RPH3A: variants seen among roughly 807,000 people sequenced by gnomAD.
RPH3A encodes rabphilin 3A.
In RPH3A, 48 loss-of-function variants were observed where a neutral mutation model predicts 102.2. The ratio of observed to expected loss-of-function variants is 0.47; its 90% CI spans 0.37 to 0.60. RPH3A has a LOEUF of 0.60. RPH3A is among the 20% of genes least tolerant of loss of function. The pLI, the probability that RPH3A is intolerant of heterozygous loss-of-function variation, is 0.00. For missense variants in RPH3A, 781 were observed against 910.1 expected, an observed-to-expected ratio of 0.86 and a Z score of 1.83; for synonymous variants, 310 against 324.3, an observed-to-expected ratio of 0.96 and a Z score of 0.47.
At chr12:112,782,638 T>C (rs1592996338) in intron 1 of RPH3A, among the ~76,000 whole-genome samples, 1 of 152,328 alleles carries the variant, frequency 6.6e-6, no homozygotes, top group Non-Finnish European at 1.5e-5. Flanking sequence ...CTTTTCAGTA[T>C]TTCTCTCTTC....
At chr12:112,883,891 A>G (rs1346080669) in intron 16 of RPH3A, among the ~76,000 whole-genome samples, 1 of 151,984 alleles carries the variant, frequency 6.6e-6, no homozygotes, top group African/African-American at 2.4e-5. Context: ...ATCCAGTTTT[A>G]TTTATCCAGT....
At chr12:112,725,766 TTTGTTG>T (rs374402903) in intron 1 of RPH3A, among the ~76,000 whole-genome samples, 37,908 of 148,386 alleles carry the variant, frequency 0.26, 5,466 homozygotes, top group Admixed American at 0.33. Flanking sequence ...GAGTGTAGTT[TTTGTTG>T]TTGTTGTTGT....
intron 1 of RPH3A, among the ~76,000 whole-genome samples, chr12:112,663,525 A>T (rs1319207832): frequency 6.6e-6 from 1 of 151,854 alleles, no homozygotes; most frequent in East Asian, 2.0e-4. Flanking sequence ...TTTACTTATT[A>T]TTATTATTTT....
chr12:112,864,448 C>CAAAAAAAA (rs11324677), intron 5 of RPH3A, among the ~76,000 whole-genome samples: 1 of 101,994 alleles, frequency 9.8e-6, no homozygotes, highest in Non-Finnish European at 1.9e-5. Flanking sequence ...AAGACTCTGT[C>CAAAAAAAA]AAAAAAAAAA....
At chr12:112,712,454 A>C (rs1432045211) in intron 1 of RPH3A, among the ~76,000 whole-genome samples, 1 of 152,102 alleles carries the variant, frequency 6.6e-6, no homozygotes, top group Non-Finnish European at 1.5e-5. Flanking sequence ...TCTATTTTTA[A>C]ATTGTTATTT....
At chr12:112,878,001 C>T (rs1467796402) in intron 13 of RPH3A, among the ~76,000 whole-genome samples, 3 of 152,176 alleles carry the variant, frequency 2.0e-5, no homozygotes, top group Non-Finnish European at 4.4e-5. Flanking sequence ...GGGACTTGTC[C>T]AAGCTCATCC....
rs180764698 is a variant in RPH3A at position 112,784,961 on chromosome 12, G to A, written c.-139-7182G>A. Reference sequence around the variant, plus strand: ...GCTGTGGCTGGGTGTGGTGGCTCACGCCTATAATCCCAGCACTTTGGGAGG... The same window carrying A: ...GCTGTGGCTGGGTGTGGTGGCTCACACCTATAATCCCAGCACTTTGGGAGG... On this transcript the variant is annotated intron_variant, in intron 1 of 21. Transcript: ENST00000543106. 3.6e-3 allele frequency among the ~76,000 whole-genome samples: 545 copies of A among 152,306 alleles called. 3 individuals are homozygous for A. The highest frequency in any genetic ancestry group is 0.012 in the African/African-American group (503 of 41,556).
chr12:112,769,966 T>C (rs1186201974), intron 1 of RPH3A, among the ~76,000 whole-genome samples: 1 of 152,248 alleles, frequency 6.6e-6, no homozygotes, highest in Non-Finnish European at 1.5e-5. Context: ...TAACTTACAG[T>C]ATTGTTTTGT....
chr12:112,895,638 A>G (rs2136275670), intron 20 of RPH3A, 139 bp from the exon 21 acceptor site: 1 of 605,768 alleles, frequency 1.7e-6, no homozygotes, highest in East Asian at 2.8e-5. Flanking sequence ...GAGGATCGGC[A>G]CGGGAAGACC....
At chr12:112,589,992 A>G (rs1461268546) in intron 1 of RPH3A, among the ~76,000 whole-genome samples, 2 of 151,678 alleles carry the variant, frequency 1.3e-5, no homozygotes, top group Non-Finnish European at 1.5e-5. Context: ...CTGAGGCAGG[A>G]GGATCGCTTG....
chr12:112,767,176 C>T (rs375904292), intron 1 of RPH3A, among the ~76,000 whole-genome samples: 2 of 152,258 alleles, frequency 1.3e-5, no homozygotes, highest in East Asian at 3.9e-4. Flanking sequence ...CCCAGTGGCC[C>T]AGAGAACTTT....
intron 1 of RPH3A, among the ~76,000 whole-genome samples, chr12:112,754,611 G>C (rs528355581): frequency 6.6e-6 from 1 of 152,180 alleles, no homozygotes; most frequent in Non-Finnish European, 1.5e-5. Flanking sequence ...TTTCCTGGCT[G>C]CCAAAGTGAA....
chr12:112,680,195 T>C (rs1036216643), intron 1 of RPH3A, among the ~76,000 whole-genome samples: 1 of 152,208 alleles, frequency 6.6e-6, no homozygotes, highest in Admixed American at 6.5e-5. Context: ...ACCTCAAGGC[T>C]GCAGGAAGAA....
rs1430223677 is a variant in RPH3A, at chr12:112,678,279, AAGAAAGAAAGAAAGAAAGAAAGAAAG to A, written c.-140+102964_-140+102989del. 4.5e-4 allele frequency among the ~76,000 whole-genome samples: 29 copies of A among 64,800 alleles called. 3 individuals are homozygous for A. The highest frequency in any genetic ancestry group is 2.7e-3 in the African/African-American group (26 of 9,466). The allele number at this position is 64,800 out of a possible 152,430, so 42.5% of individuals were successfully genotyped here. ...AAAGAAAGAAAGAAAGAAAGAAAGAAAGAAAGAAAGAAAGAAAGAAAGAAAGAGAGAGAGAGAGAAAGAAAGAAAGA... is the reference window on the plus strand; with the variant it reads ...AAAGAAAGAAAGAAAGAAAGAAAGAAAGAGAGAGAGAGAAAGAAAGAAAGA... On this transcript the variant is annotated intron_variant, in intron 1 of 21. Coordinates refer to the RPH3A transcript ENST00000543106.
intron 1 of RPH3A, among the ~76,000 whole-genome samples, chr12:112,782,250 T>G (rs1486936479): frequency 1.3e-5 from 2 of 152,284 alleles, no homozygotes; most frequent in Non-Finnish European, 2.9e-5. Flanking sequence ...AGGCTCAGTC[T>G]TCTCATCTGA....
chr12:112,724,335 A>G (rs2040572419), intron 1 of RPH3A, among the ~76,000 whole-genome samples: 1 of 152,164 alleles, frequency 6.6e-6, no homozygotes, highest in African/African-American at 2.4e-5. Context: ...AAAGTGCTGG[A>G]CTTACAGGCA....
chr12:112,819,427 C>T (rs745572279), intron 2 of RPH3A, among the ~76,000 whole-genome samples: 13 of 152,060 alleles, frequency 8.5e-5, no homozygotes, highest in South Asian at 2.1e-4. Flanking sequence ...ATTTTTACAT[C>T]CTCATTTTAC....
chr12:112,774,773 G>A (rs182315323), intron 1 of RPH3A, among the ~76,000 whole-genome samples: 3 of 151,886 alleles, frequency 2.0e-5, no homozygotes, highest in Non-Finnish European at 2.9e-5. Context: ...ACTGGAGCAG[G>A]TCGGGGGGTG....
intron 1 of RPH3A, among the ~76,000 whole-genome samples, chr12:112,589,018 G>T (rs192308395): frequency 1.4e-4 from 22 of 152,188 alleles, no homozygotes; most frequent in African/African-American, 4.6e-4. Context: ...TTGGGGGAAG[G>T]GGGGAGAGTG....
Sources: gnomAD v4.1 joint callset for allele counts (sites outside exome capture counted in the v4.1 genomes callset) on GRCh38, gnomAD v4.1.1 for gene constraint, MANE v1.5 for transcripts, NCBI Gene and HGNC (gene_info 2026-07-23, HGNC 2026-07-21) for gene names.